The following CSMD1 variants were observed in gnomAD, a reference collection of about 807,000 sequenced individuals.
CSMD1 encodes the protein CUB and sushi domain-containing protein 1.
Under a neutral mutation model 417.5 loss-of-function variants are expected in CSMD1, and 213 were observed. That is an observed-to-expected ratio of 0.51 (90% CI 0.46 to 0.57). The LOEUF is 0.57. CSMD1 is among the 20% of genes least tolerant of loss of function. CSMD1 has a pLI of 0.00. For synonymous variants in CSMD1, 2,862 were observed against 1,736.8 expected, an observed-to-expected ratio of 1.65 and a Z score of -16.11; for missense variants, 6,923 against 4,529.7, an observed-to-expected ratio of 1.53 and a Z score of -15.17.
At chr8:3,743,447 G>C (rs569091190) in intron 6 of CSMD1, among the ~76,000 whole-genome samples, 8 of 152,308 alleles carry the variant, frequency 5.3e-5, no homozygotes, top group Admixed American at 1.3e-4. Flanking sequence ...GTATTATGTG[G>C]AGACTTCTGA....
Position 3,406,069 on chromosome 8 carries a change from C to G in CSMD1, c.2224G>C (p.Asp742His). ...GSESITCILQ[D>H]GNVVWSSTVP... is the part of the protein sequence containing the mutation. ...GTGGAGCTCCAGACCACGTTCCCGTCTTGCAGTATGCAGGTAATGGACTCG... is the reference window on the plus strand; with the variant it reads ...GTGGAGCTCCAGACCACGTTCCCGTGTTGCAGTATGCAGGTAATGGACTCG... The change falls in exon 15 of 70, where the codon GAC becomes CAC. Residue 742 changes from aspartate (D) to histidine (H), a missense_variant. Coordinates refer to ENST00000635120, the MANE Select transcript of CSMD1 (RefSeq NM_033225.6). 2 of 1,613,976 alleles carry G rather than the reference C, an allele frequency of 1.2e-6. No homozygotes were observed. The highest frequency in any genetic ancestry group is 1.7e-6 in the Non-Finnish European group (2 of 1,179,882).
intron 5 of CSMD1, among the ~76,000 whole-genome samples, chr8:3,774,091 G>C (rs1584977811): frequency 6.6e-6 from 1 of 152,104 alleles, no homozygotes; most frequent in Non-Finnish European, 1.5e-5. Flanking sequence ...GCAGCTTCTT[G>C]TCTAAATATG....
At position 3,796,312 on chromosome 8, in the gene CSMD1, TAG is replaced by T. The variant is rs1448089423; in HGVS notation, c.819-42272_819-42271del. On this transcript the variant is annotated intron_variant, in intron 5 of 69. Transcript: ENST00000635120. ...TAGATATATCTATCATGTATAGATA[TAG>T]ATATCTATCATGTATAGATATAGAT... Among the ~76,000 whole-genome samples, 7 of 84,658 alleles carry T rather than the reference TAG, an allele frequency of 8.3e-5. 1 individual carries two copies. Among genetic ancestry groups the T allele is most frequent in the African/African-American group, 1.6e-4 (3 of 18,924 alleles). The allele number at this position is 84,658 out of a possible 152,430, so 55.5% of individuals were successfully genotyped here. A position where few individuals can be genotyped will look rare whatever the true frequency, so the allele number is the denominator to read the frequency against.
chr8:3,846,273 C>T (rs190869705), intron 5 of CSMD1, among the ~76,000 whole-genome samples: 2 of 152,160 alleles, frequency 1.3e-5, no homozygotes, highest in Admixed American at 1.3e-4. Flanking sequence ...ATTATGATCG[C>T]TACCATGTCA....
At chr8:4,643,910 G>A (rs191154197) in intron 1 of CSMD1, among the ~76,000 whole-genome samples, 41 of 152,310 alleles carry the variant, frequency 2.7e-4, no homozygotes, top group African/African-American at 9.6e-4. Flanking sequence ...GGCTTTGAAA[G>A]CCTGATGATT....
At chr8:4,686,929 G>A (rs944713394) in intron 1 of CSMD1, among the ~76,000 whole-genome samples, 6 of 152,190 alleles carry the variant, frequency 3.9e-5, no homozygotes, top group Non-Finnish European at 7.3e-5. Flanking sequence ...GAATGGAGAC[G>A]CACTTGGAAG....
chr8:4,245,389 G>A (rs1026455569), intron 3 of CSMD1, among the ~76,000 whole-genome samples: 1 of 152,156 alleles, frequency 6.6e-6, no homozygotes, highest in African/African-American at 2.4e-5. Flanking sequence ...TTTTCTGACA[G>A]CCTGATCCAC....
At chr8:4,406,337 A>C (rs73658850) in intron 3 of CSMD1, among the ~76,000 whole-genome samples, 7,046 of 152,194 alleles carry the variant, frequency 0.046, 540 homozygotes, top group African/African-American at 0.16. Flanking sequence ...AACACACTCA[A>C]AATGACAGAA....
At chr8:4,169,634 C>A (rs1048340077) in intron 3 of CSMD1, among the ~76,000 whole-genome samples, 4 of 152,150 alleles carry the variant, frequency 2.6e-5, no homozygotes, top group African/African-American at 7.2e-5. Flanking sequence ...CAGTCCCTTG[C>A]TGCTGCAGGG....
At chr8:3,246,411 G>A (rs1190818283) in intron 26 of CSMD1, among the ~76,000 whole-genome samples, 1 of 152,050 alleles carries the variant, frequency 6.6e-6, no homozygotes, top group African/African-American at 2.4e-5. Context: ...CCTCAGTCAC[G>A]CTCTCACATA....
At chr8:4,645,880 T>C (rs921939413) in intron 1 of CSMD1, among the ~76,000 whole-genome samples, 2 of 152,146 alleles carry the variant, frequency 1.3e-5, no homozygotes, top group Admixed American at 1.3e-4. Flanking sequence ...CCGCTCACTG[T>C]ACTTAAACAT....
chr8:3,389,300 G>A (rs1475579765), intron 17 of CSMD1, among the ~76,000 whole-genome samples: 1 of 152,052 alleles, frequency 6.6e-6, no homozygotes, highest in Non-Finnish European at 1.5e-5. Context: ...CCCAGTGTGT[G>A]TTGTTCCCTC....
intron 12 of CSMD1, among the ~76,000 whole-genome samples, chr8:3,429,855 G>A (rs1306049970): frequency 6.6e-6 from 1 of 152,088 alleles, no homozygotes; most frequent in African/African-American, 2.4e-5. Flanking sequence ...CACAGCAACA[G>A]CCAGCACTAC....
intron 2 of CSMD1, among the ~76,000 whole-genome samples, chr8:4,629,179 A>G (rs543240359): frequency 7.9e-5 from 12 of 152,222 alleles, no homozygotes; most frequent in African/African-American, 2.7e-4. Context: ...TATTTGTAGA[A>G]TACATTCTTA....
chr8:3,190,980 G>C (rs1796385728), intron 33 of CSMD1, among the ~76,000 whole-genome samples: 1 of 152,164 alleles, frequency 6.6e-6, no homozygotes, highest in South Asian at 2.1e-4. Context: ...CAGGAAAATG[G>C]GAAGCAACTG....
At chr8:4,798,509 A>T (rs1333496802) in intron 1 of CSMD1, among the ~76,000 whole-genome samples, 2 of 152,212 alleles carry the variant, frequency 1.3e-5, no homozygotes, top group African/African-American at 4.8e-5. Context: ...GCTTACTCTG[A>T]TATGTGAACA....
At chr8:3,762,819 C>T (rs985701150) in intron 5 of CSMD1, among the ~76,000 whole-genome samples, 2 of 152,172 alleles carry the variant, frequency 1.3e-5, no homozygotes, top group South Asian at 2.1e-4. Context: ...CCCACGCAGC[C>T]GTGTGTAAGG....
intron 51 of CSMD1, among the ~76,000 whole-genome samples, chr8:3,019,639 G>C (rs73505008): frequency 0.017 from 2,571 of 152,294 alleles, 24 homozygotes; most frequent in East Asian, 0.038. Context: ...ACTGGGTGTC[G>C]ATGGGGTGAC....
intron 3 of CSMD1, among the ~76,000 whole-genome samples, chr8:4,196,843 C>T (rs899814208): frequency 5.3e-5 from 8 of 152,110 alleles, no homozygotes; most frequent in African/African-American, 1.7e-4. Context: ...TGATATTTAG[C>T]CTGCACATGC....
Sources: gnomAD v4.1 joint callset for allele counts (sites outside exome capture counted in the v4.1 genomes callset) on GRCh38, gnomAD v4.1.1 for gene constraint, MANE v1.5 for transcripts, NCBI Gene and HGNC (gene_info 2026-07-23, HGNC 2026-07-21) for gene names.